The following NCOA1 variants were observed in gnomAD, a reference collection of about 807,000 sequenced individuals.
NCOA1 encodes nuclear receptor coactivator 1.
A neutral mutation model predicts 150.9 loss-of-function variants in NCOA1; 35 were observed. That is an observed-to-expected ratio of 0.23 (90% confidence interval 0.18 to 0.31). The LOEUF (loss-of-function observed/expected upper bound fraction) is 0.31. Ranked by LOEUF, NCOA1 falls within the 10% of genes least tolerant of loss-of-function variation. NCOA1 has a pLI of 1.00. For missense variants in NCOA1, 1,491 were observed against 1,749.3 expected, an observed-to-expected ratio of 0.85 and a Z score of 2.63; for synonymous variants, 590 against 630.0, an observed-to-expected ratio of 0.94 and a Z score of 0.95.
rs1039835442 is a variant in NCOA1 at position 24,493,714 on chromosome 2, C to G, written c.-396+2112C>G. Among the ~76,000 whole-genome samples, 7 of 152,146 alleles carry G rather than the reference C, an allele frequency of 4.6e-5. No homozygotes were observed. In the East Asian group the frequency reaches 7.7e-4, roughly 17 times the overall value. ...CTGCGAACATTTGTTTTTGTTTCTC[C>G]CTCAATTCCAGGGTTTCATTTCTAG... On this transcript the variant is annotated intron_variant, in intron 1 of 22. Transcript: ENST00000348332.
At chr2:24,736,049 C>T (rs528213862) in intron 17 of NCOA1, among the ~76,000 whole-genome samples, 13 of 151,900 alleles carry the variant, frequency 8.6e-5, no homozygotes, top group Non-Finnish European at 8.8e-5. Flanking sequence ...TGGAGAAACC[C>T]TGTCTCTACT....
intron 10 of NCOA1, among the ~76,000 whole-genome samples, chr2:24,694,051 G>T (rs577024082): frequency 2.0e-5 from 3 of 152,160 alleles, no homozygotes; most frequent in African/African-American, 7.2e-5. Flanking sequence ...CCTAATTGAG[G>T]AACCAGAGCT....
chr2:24,578,149 A>G (rs1025620533), intron 2 of NCOA1, among the ~76,000 whole-genome samples: 1 of 152,194 alleles, frequency 6.6e-6, no homozygotes. Context: ...AAGAAAAACA[A>G]GTATCTTTAG....
chr2:24,613,456 A>G (rs2148390419), intron 3 of NCOA1, among the ~76,000 whole-genome samples: 1 of 152,328 alleles, frequency 6.6e-6, no homozygotes, highest in South Asian at 2.1e-4. Context: ...CACAATCACT[A>G]ACACTGAGGG....
chr2:24,714,574 C>T (rs55798464), intron 14 of NCOA1, among the ~76,000 whole-genome samples: 6,340 of 151,840 alleles, frequency 0.042, 195 homozygotes, highest in African/African-American at 0.09. Flanking sequence ...TTGGAGGAGC[C>T]TACCAGCAGA....
In NCOA1 at chr2:24,717,905, C is replaced by CTT. The variant is rs34785770; in HGVS notation, c.2599+6810_2599+6811dup. On this transcript the variant is annotated intron_variant, in intron 14 of 22. Transcript: ENST00000348332. Reference sequence around the variant, plus strand: ...CAGCATGTGAAAAGATGGTTAATATCTTTTTTTTTTTTTTTTTGAGTCTCT... The same window carrying CTT: ...CAGCATGTGAAAAGATGGTTAATATCTTTTTTTTTTTTTTTTTTTGAGTCTCT... 5.9e-3 allele frequency among the ~76,000 whole-genome samples: 821 copies of CTT among 138,018 alleles called. 8 individuals carry two copies. Among genetic ancestry groups the CTT allele is most frequent in the South Asian group, 0.023 (100 of 4,332 alleles). The allele number at this position is 138,018 out of a possible 152,430, so 90.5% of individuals were successfully genotyped here.
intron 1 of NCOA1, among the ~76,000 whole-genome samples, 188 bp from the exon 2 acceptor site, chr2:24,564,107 A>T (rs115650886): frequency 2.6e-5 from 4 of 152,352 alleles, no homozygotes; most frequent in African/African-American, 9.6e-5. Flanking sequence ...TTTATCTATT[A>T]TACCTTTAAT....
At chr2:24,649,503 G>A (rs1160599722) in intron 4 of NCOA1, among the ~76,000 whole-genome samples, 6 of 152,198 alleles carry the variant, frequency 3.9e-5, no homozygotes, top group African/African-American at 1.4e-4. Context: ...TAAGATAACT[G>A]GATTCATAGT....
intron 3 of NCOA1, among the ~76,000 whole-genome samples, chr2:24,603,317 A>G (rs572041963): frequency 6.6e-6 from 1 of 152,214 alleles, no homozygotes; most frequent in Non-Finnish European, 1.5e-5. Context: ...ACTAATCAGG[A>G]TGGTGGTTGC....
chr2:24,554,561 G>A (rs1665992192), intron 1 of NCOA1: 1 of 152,222 alleles, frequency 6.6e-6, no homozygotes, highest in Non-Finnish European at 1.5e-5. Flanking sequence ...CCTTTGGGCA[G>A]TTGGATGCTG....
chr2:24,552,172 T>A, intron 1 of NCOA1, among the ~76,000 whole-genome samples: 1 of 151,390 alleles, frequency 6.6e-6, no homozygotes, highest in Non-Finnish European at 1.5e-5. Context: ...AGCTTGTCAG[T>A]TTTTTTAAAA....
chr2:24,630,314 A>C (rs767823923), intron 3 of NCOA1, among the ~76,000 whole-genome samples: 23 of 152,344 alleles, frequency 1.5e-4, no homozygotes, highest in South Asian at 6.2e-4. Flanking sequence ...TGTCTTGGTT[A>C]TAAGAAGGGA....
intron 1 of NCOA1, among the ~76,000 whole-genome samples, chr2:24,539,904 C>T (rs1665318992): frequency 6.6e-6 from 1 of 152,158 alleles, no homozygotes; most frequent in Non-Finnish European, 1.5e-5. Context: ...ATTCTAACAC[C>T]AACTTGAGCA....
chr2:24,630,443 A>G (rs2148430438), intron 3 of NCOA1, among the ~76,000 whole-genome samples: 1 of 152,252 alleles, frequency 6.6e-6, no homozygotes, highest in East Asian at 1.9e-4. Context: ...AGCTGTTCCT[A>G]TTTTTTGCTC....
chr2:24,588,144 G>A (rs987802441), intron 3 of NCOA1, among the ~76,000 whole-genome samples: 1 of 152,006 alleles, frequency 6.6e-6, no homozygotes, highest in Non-Finnish European at 1.5e-5. Context: ...GAGCACAGTA[G>A]TGTGATCATG....
At position 24,760,908 on chromosome 2, in the gene NCOA1, C is replaced by T. The variant is rs192714427; in HGVS notation, c.4066-1779C>T. Among the ~76,000 whole-genome samples, 18 of 152,080 alleles carry T rather than the reference C, an allele frequency of 1.2e-4. No individual in the cohort carries two copies. The East Asian group carries it at 3.3e-3, about 28-fold the overall frequency. On this transcript the variant is annotated intron_variant, in intron 21 of 22. Transcript: ENST00000348332. ...TGTCACCCAGGCTGGAGTGTAATGG[C>T]GCAGTCTCCACTCACTGTAACCTCC...
intron 22 of NCOA1, among the ~76,000 whole-genome samples, chr2:24,763,557 A>AT (rs1315637857): frequency 1.5e-5 from 2 of 131,960 alleles, no homozygotes; most frequent in Non-Finnish European, 1.6e-5. Context: ...AAAAAAAAAA[A>AT]TTTTGGAGGA....
intron 8 of NCOA1, among the ~76,000 whole-genome samples, chr2:24,688,220 T>C (rs1672497613): frequency 6.6e-6 from 1 of 152,206 alleles, no homozygotes; most frequent in Non-Finnish European, 1.5e-5. Context: ...AACATACACT[T>C]GCATCTGTCT....
In NCOA1 at chr2:24,574,049, C is replaced by T. The variant is rs115204737; in HGVS notation, c.-260+9619C>T. Among the ~76,000 whole-genome samples the T allele has an allele frequency of 1.8e-3, 277 of 151,502 alleles. 2 individuals carry two copies. Among genetic ancestry groups the T allele is most frequent in the African/African-American group, 6.5e-3 (269 of 41,348 alleles). ...AATAGGTGAATTAAAAAACAGAAAC[C>T]ACAGAAATGAAAAATCTAAAAGCTA... On this transcript the variant is annotated intron_variant, in intron 2 of 22. Coordinates refer to ENST00000348332, the MANE Select transcript of NCOA1 (RefSeq NM_003743.5).
Sources: allele counts gnomAD v4.1 joint callset (sites outside exome capture counted in the v4.1 genomes callset), GRCh38; gene constraint gnomAD v4.1.1; transcripts MANE v1.5; gene names NCBI Gene and HGNC (gene_info 2026-07-23, HGNC 2026-07-21).